The following CCDC178 variants were observed in gnomAD, a reference collection of about 807,000 sequenced individuals.
The protein encoded by CCDC178 is coiled-coil domain-containing protein 178.
CCDC178 carries 126 observed loss-of-function variants against 117.4 expected under a neutral mutation model. The observed-to-expected ratio is 1.07, with a 90% CI of 0.93 to 1.24. The LOEUF (loss-of-function observed/expected upper bound fraction) is 1.24. CCDC178 is among the 50% of genes most tolerant of loss of function. CCDC178 has a pLI of 0.00. For synonymous variants in CCDC178, 283 were observed against 313.4 expected, an observed-to-expected ratio of 0.90 and a Z score of 1.02; for missense variants, 1,030 against 986.9, an observed-to-expected ratio of 1.04 and a Z score of -0.59.
chr18:33,188,930 G>A (rs2058826466), intron 20 of CCDC178, among the ~76,000 whole-genome samples: 1 of 152,170 alleles, frequency 6.6e-6, no homozygotes, highest in South Asian at 2.1e-4. Context: ...AGGGGATAAT[G>A]TAATCGTCTG....
intron 12 of CCDC178, among the ~76,000 whole-genome samples, chr18:33,282,392 T>C (rs1002897946): frequency 6.6e-6 from 1 of 152,106 alleles, no homozygotes; most frequent in Non-Finnish European, 1.5e-5. Context: ...GTGAGAGACT[T>C]CAGCCCTAGG....
At chr18:33,061,235 AT>A (rs1174411680) in intron 21 of CCDC178, among the ~76,000 whole-genome samples, 25 of 152,094 alleles carry the variant, frequency 1.6e-4, no homozygotes, top group Non-Finnish European at 2.9e-5. Flanking sequence ...CAGACTGGTA[AT>A]TTTTTTATTG....
intron 11 of CCDC178, among the ~76,000 whole-genome samples, chr18:33,299,071 C>T (rs988127193): frequency 1.3e-5 from 2 of 151,982 alleles, no homozygotes; most frequent in East Asian, 1.9e-4. Flanking sequence ...AAATGCAATT[C>T]GTATCAGAAT....
intron 2 of CCDC178, among the ~76,000 whole-genome samples, chr18:33,423,470 T>C (rs2064062130): frequency 6.6e-6 from 1 of 152,214 alleles, no homozygotes; most frequent in South Asian, 2.1e-4. Flanking sequence ...TATAGAATTT[T>C]ATTGTATTAG....
chr18:33,056,990 G>A (rs1474068757), intron 21 of CCDC178, among the ~76,000 whole-genome samples: 4 of 130,844 alleles, frequency 3.1e-5, no homozygotes, highest in Non-Finnish European at 6.5e-5. Flanking sequence ...CCAATATTCT[G>A]TAATAAGCAC....
chr18:33,355,253 T>C (rs573400138), intron 7 of CCDC178, among the ~76,000 whole-genome samples: 3 of 152,224 alleles, frequency 2.0e-5, no homozygotes, highest in African/African-American at 4.8e-5. Context: ...TAGTGGGTTA[T>C]TGTTTGTTTA....
intron 20 of CCDC178, among the ~76,000 whole-genome samples, chr18:33,192,782 TC>T (rs1204393361): frequency 1.3e-5 from 2 of 150,922 alleles, no homozygotes; most frequent in Non-Finnish European, 2.9e-5. Flanking sequence ...GTGCCTGTAA[TC>T]CCAGCTACTT....
intron 21 of CCDC178, among the ~76,000 whole-genome samples, chr18:33,055,339 T>C (rs1327776319): frequency 1.3e-5 from 2 of 152,208 alleles, no homozygotes; most frequent in East Asian, 3.9e-4. Context: ...CTTCCTATTC[T>C]TTTTCTTTTT....
At chr18:33,353,867 T>C (rs1456255268) in intron 7 of CCDC178, among the ~76,000 whole-genome samples, 1 of 152,144 alleles carries the variant, frequency 6.6e-6, no homozygotes, top group Non-Finnish European at 1.5e-5. Flanking sequence ...ACCTTTGTAG[T>C]TACCTTTATT....
intron 21 of CCDC178, among the ~76,000 whole-genome samples, chr18:33,016,198 A>C (rs2055985561): frequency 1.3e-5 from 2 of 152,140 alleles, no homozygotes. Context: ...ATTAGAAATC[A>C]TGAAGGCCTG....
chr18:33,137,774 T>C (rs1459699639), intron 20 of CCDC178, among the ~76,000 whole-genome samples: 1 of 152,138 alleles, frequency 6.6e-6, no homozygotes, highest in Non-Finnish European at 1.5e-5. Flanking sequence ...ATCACAGACA[T>C]AGCTACTGGC....
At chr18:33,013,177 C>G (rs996344780) in intron 21 of CCDC178, among the ~76,000 whole-genome samples, 1 of 152,126 alleles carries the variant, frequency 6.6e-6, no homozygotes, top group Non-Finnish European at 1.5e-5. Context: ...AGTTTCTCCT[C>G]CTTTTGAAAA....
At chr18:33,073,017 T>TA (rs1311707625) in intron 21 of CCDC178, among the ~76,000 whole-genome samples, 8 of 152,146 alleles carry the variant, frequency 5.3e-5, no homozygotes, top group African/African-American at 1.7e-4. Context: ...CTAGACTTTT[T>TA]ACTTGTGGGT....
intron 21 of CCDC178, among the ~76,000 whole-genome samples, chr18:33,003,632 A>C (rs1313402289): frequency 1.3e-5 from 2 of 152,188 alleles, no homozygotes; most frequent in Admixed American, 1.3e-4. Context: ...CATGACAAGG[A>C]TGCCCTCTTT....
chr18:33,370,226 T>C (rs1406880505), intron 5 of CCDC178, 37 bp from the exon 6 acceptor site: 16 of 1,464,392 alleles, frequency 1.1e-5, no homozygotes, highest in Non-Finnish European at 1.5e-5. Flanking sequence ...ACTCATTCTA[T>C]ACAAAGTAGT....
intron 21 of CCDC178, among the ~76,000 whole-genome samples, chr18:33,078,349 C>T (rs930204822): frequency 1.3e-5 from 2 of 152,112 alleles, no homozygotes; most frequent in African/African-American, 4.8e-5. Context: ...AAAGCTGGAA[C>T]CATTCCCATT....
intron 21 of CCDC178, among the ~76,000 whole-genome samples, chr18:32,991,509 A>G (rs1001297924): frequency 6.6e-6 from 1 of 152,236 alleles, no homozygotes; most frequent in Admixed American, 6.5e-5. Context: ...TGGTAGTGTC[A>G]AGATAGGAGG....
In CCDC178 at chr18:33,212,285, A is replaced by G. The variant is rs78211726; in HGVS notation, c.2079-230T>C. On this transcript the variant is annotated intron_variant, in intron 19 of 22. Coordinates refer to ENST00000383096, the MANE Select transcript of CCDC178 (RefSeq NM_001105528.4). ...GAACAGTGTATTCTCTTGGTTGCCT[A>G]TCCAGCATGCTTTTGTTCTCTAGGC... Among the ~76,000 whole-genome samples, 226 of 152,094 alleles carry G rather than the reference A, an allele frequency of 1.5e-3. 2 individuals carry two copies. In the East Asian group the frequency reaches 0.021, roughly 14 times the overall value.
chr18:33,194,175 C>T (rs1227909659), intron 20 of CCDC178, among the ~76,000 whole-genome samples: 2 of 151,760 alleles, frequency 1.3e-5, no homozygotes, highest in Non-Finnish European at 2.9e-5. Context: ...TATATAGGAG[C>T]TAACGTTTAT....
Sources: allele counts gnomAD v4.1 joint callset (sites outside exome capture counted in the v4.1 genomes callset), GRCh38; gene constraint gnomAD v4.1.1; transcripts MANE v1.5; gene names NCBI Gene and HGNC (gene_info 2026-07-23, HGNC 2026-07-21).